The following ROBO1 variants were observed in gnomAD, a reference collection of about 807,000 sequenced individuals.
ROBO1 encodes the protein roundabout homolog 1.
Under a neutral mutation model 195.9 loss-of-function variants are expected in ROBO1, and 149 were observed. The ratio of observed to expected loss-of-function variants is 0.76; its 90% CI spans 0.67 to 0.87. ROBO1 has a LOEUF of 0.87. ROBO1 is among the 40% of genes least tolerant of loss of function. ROBO1 has a pLI of 0.00. For synonymous variants in ROBO1, 816 were observed against 733.2 expected (o/e 1.11, Z -1.82); for missense variants, 1,933 against 2,068.3 (o/e 0.93, Z 1.27).
intron 1 of ROBO1, among the ~76,000 whole-genome samples, chr3:79,614,303 C>A (rs551600909): frequency 6.6e-6 from 1 of 151,992 alleles, no homozygotes; most frequent in Non-Finnish European, 1.5e-5. Context: ...ACAGAAAACA[C>A]TAAGGAAGAT....
intron 8 of ROBO1, among the ~76,000 whole-genome samples, chr3:78,713,765 G>A (rs968302860): frequency 2.0e-5 from 3 of 152,106 alleles, no homozygotes; most frequent in Non-Finnish European, 2.9e-5. Context: ...CATAGAACAC[G>A]GTATCCACTT....
At chr3:78,708,880 C>A (rs1336685408) in intron 8 of ROBO1, among the ~76,000 whole-genome samples, 1 of 152,036 alleles carries the variant, frequency 6.6e-6, no homozygotes, top group Non-Finnish European at 1.5e-5. Context: ...CAAGACAGAG[C>A]CAGCTATCCT....
At chr3:79,377,204 A>G (rs561482462) in intron 2 of ROBO1, among the ~76,000 whole-genome samples, 1 of 152,270 alleles carries the variant, frequency 6.6e-6, no homozygotes, top group Non-Finnish European at 1.5e-5. Flanking sequence ...AAAGACACAC[A>G]ATTCTTTCAA....
chr3:79,571,771 T>A (rs2107749592), intron 2 of ROBO1, among the ~76,000 whole-genome samples: 1 of 152,236 alleles, frequency 6.6e-6, no homozygotes, highest in East Asian at 1.9e-4. Flanking sequence ...GTCTCAGTTA[T>A]CAACACCCAG....
intron 2 of ROBO1, among the ~76,000 whole-genome samples, chr3:79,426,393 T>C (rs2038448745): frequency 6.6e-6 from 1 of 152,080 alleles, no homozygotes; most frequent in African/African-American, 2.4e-5. Context: ...TTGTTTGAGA[T>C]GGAGTCTTGC....
chr3:79,177,417 C>G (rs766965896), intron 2 of ROBO1, among the ~76,000 whole-genome samples: 4 of 152,200 alleles, frequency 2.6e-5, no homozygotes, highest in Non-Finnish European at 5.9e-5. Context: ...ACCTTCTCCT[C>G]CCTACAAGGT....
chr3:78,777,370 C>G (rs1371089711), intron 4 of ROBO1, among the ~76,000 whole-genome samples: 2 of 152,124 alleles, frequency 1.3e-5, no homozygotes, highest in African/African-American at 2.4e-5. Flanking sequence ...AAAAGACATG[C>G]TGAGACAGAA....
chr3:79,319,868 G>A (rs1455346353), intron 2 of ROBO1, among the ~76,000 whole-genome samples: 1 of 151,926 alleles, frequency 6.6e-6, no homozygotes, highest in African/African-American at 2.4e-5. Flanking sequence ...AGTTTTATCG[G>A]CTTTATGCTA....
chr3:79,411,951 C>T lies in ROBO1; in HGVS notation c.88+177873G>A, dbSNP rs2037785638. 2.0e-5 allele frequency among the ~76,000 whole-genome samples: 3 copies of T among 152,086 alleles called. No homozygotes were observed. The South Asian group carries it at 6.2e-4, about 31-fold the overall frequency. ...TTTTCACCTTTCCACCTTGACCCAG[C>T]TTTCGTTCTGTCCGAGACACCCACA... is the stretch of plus-strand genomic sequence containing the variant. On this transcript the variant is annotated intron_variant, in intron 2 of 30. Transcript: ENST00000464233.
intron 21 of ROBO1, among the ~76,000 whole-genome samples, chr3:78,641,532 CAG>C (rs1233062486): frequency 2.0e-5 from 3 of 152,146 alleles, no homozygotes; most frequent in African/African-American, 7.2e-5. Context: ...AATTATAACA[CAG>C]ATATCTGGAG....
intron 2 of ROBO1, among the ~76,000 whole-genome samples, chr3:79,280,702 G>T (rs1274235999): frequency 6.6e-6 from 1 of 152,182 alleles, no homozygotes; most frequent in Non-Finnish European, 1.5e-5. Flanking sequence ...TCGGGCAGGA[G>T]AATGGTTTCG....
chr3:79,555,496 G>A (rs537219400), intron 2 of ROBO1, among the ~76,000 whole-genome samples: 18 of 152,228 alleles, frequency 1.2e-4, no homozygotes, highest in African/African-American at 3.9e-4. Flanking sequence ...GAAAGTTGCC[G>A]ATTTACATTT....
chr3:79,144,769 G>A (rs955951491), intron 2 of ROBO1, among the ~76,000 whole-genome samples: 7 of 151,764 alleles, frequency 4.6e-5, no homozygotes, highest in African/African-American at 1.5e-4. Flanking sequence ...TCCATTAATG[G>A]TAGCAAACTA....
chr3:79,551,341 C>T (rs1277675425), intron 2 of ROBO1, among the ~76,000 whole-genome samples: 1 of 151,678 alleles, frequency 6.6e-6, no homozygotes, highest in Admixed American at 6.6e-5. Flanking sequence ...TCCCCCCTCC[C>T]CCACCCCACA....
chr3:78,915,083 T>C (rs1446394846), intron 4 of ROBO1, among the ~76,000 whole-genome samples: 4 of 152,102 alleles, frequency 2.6e-5, no homozygotes, highest in African/African-American at 7.2e-5. Context: ...GGCACTCTTA[T>C]TCCGCATGTG....
intron 2 of ROBO1, among the ~76,000 whole-genome samples, chr3:79,224,090 G>A (rs1180163942): frequency 1.3e-5 from 2 of 152,072 alleles, no homozygotes; most frequent in East Asian, 3.8e-4. Flanking sequence ...AAATGCAGAT[G>A]CAAACTCATT....
At chr3:79,729,205 C>T (rs7613917) in intron 1 of ROBO1, among the ~76,000 whole-genome samples, 1 of 151,776 alleles carries the variant, frequency 6.6e-6, no homozygotes, top group African/African-American at 2.4e-5. Flanking sequence ...TAGCCTTTTG[C>T]TTTTTCTTTA....
intron 2 of ROBO1, among the ~76,000 whole-genome samples, chr3:79,416,739 T>C (rs997618539): frequency 6.6e-6 from 1 of 152,158 alleles, no homozygotes; most frequent in South Asian, 2.1e-4. Context: ...TGCTCATCCA[T>C]GTGTACCACT....
At chr3:78,830,597 C>G (rs1652404545) in intron 4 of ROBO1, among the ~76,000 whole-genome samples, 5 of 152,140 alleles carry the variant, frequency 3.3e-5, no homozygotes, top group Admixed American at 2.6e-4. Context: ...TATAAAACCA[C>G]CAGATCTTGT....
Sources: allele counts gnomAD v4.1 joint callset (sites outside exome capture counted in the v4.1 genomes callset), GRCh38; gene constraint gnomAD v4.1.1; transcripts MANE v1.5; gene names NCBI Gene and HGNC (gene_info 2026-07-23, HGNC 2026-07-21).